COL4A4: variants seen among roughly 807,000 people sequenced by gnomAD.
COL4A4 encodes the protein collagen type IV alpha 4 chain.
COL4A4 carries 105 observed loss-of-function variants against 192.9 expected under a neutral mutation model. The ratio of observed to expected loss-of-function variants is 0.54; its 90% CI spans 0.46 to 0.64. The LOEUF (loss-of-function observed/expected upper bound fraction) is 0.64, where lower values mean the gene tolerates loss of function less well. Ranked by LOEUF, COL4A4 falls within the 30% of genes least tolerant of loss-of-function variation. The pLI, the probability that COL4A4 is intolerant of heterozygous loss-of-function variation, is 0.00. For missense variants in COL4A4, 1,967 were observed against 2,169.3 expected (o/e 0.91, Z 1.85); for synonymous variants, 762 against 769.9 (o/e 0.99, Z 0.17).
intron 46 of COL4A4, among the ~76,000 whole-genome samples, chr2:227,008,766 C>T (rs1195227827): frequency 6.6e-6 from 1 of 152,100 alleles, no homozygotes; most frequent in Non-Finnish European, 1.5e-5. Context: ...AGAGATATAC[C>T]GTCAGAGGGG....
At chr2:226,968,733 G>T in the COL4A4 span, among the ~76,000 whole-genome samples, 1 of 152,204 alleles carries the variant, frequency 6.6e-6, no homozygotes, top group Non-Finnish European at 1.5e-5. Flanking sequence ...TCTAGAGGGG[G>T]TGACTATTAA....
In COL4A4 at chr2:227,045,935, G is replaced by GTATATATTTA. The variant is rs1296061485; in HGVS notation, c.3289+1539_3289+1540insTAAATATATA. ...TGTATGTATATGTATATGTATATAT[G>GTATATATTTA]TATATATGTATATATGTATATATGT... is the stretch of plus-strand genomic sequence containing the variant. On this transcript the variant is annotated intron_variant, in intron 35 of 47. Coordinates refer to ENST00000396625, the MANE Select transcript of COL4A4 (RefSeq NM_000092.5). Among the ~76,000 whole-genome samples the GTATATATTTA allele has an allele frequency of 1.8e-4, 15 of 84,246 alleles. 6 individuals are homozygous for GTATATATTTA. Among genetic ancestry groups the GTATATATTTA allele is most frequent in the African/African-American group, 8.4e-4 (14 of 16,754 alleles). 55.3% of individuals were successfully genotyped at this position (84,246 alleles called of 152,430 possible).
At chr2:227,072,346 T>C (rs372610493) in intron 25 of COL4A4, among the ~76,000 whole-genome samples, 8 of 151,900 alleles carry the variant, frequency 5.3e-5, no homozygotes, top group Non-Finnish European at 1.0e-4. Context: ...TACTAGATTA[T>C]ATCAGGAAGA....
intron 7 of COL4A4, among the ~76,000 whole-genome samples, chr2:227,115,250 T>C (rs867700864): frequency 3.3e-5 from 5 of 151,552 alleles, no homozygotes; most frequent in African/African-American, 1.2e-4. Context: ...ACTTAATATC[T>C]TAATATCCTA....
In COL4A4 at chr2:227,059,411, C is replaced by G; in HGVS notation, c.2377G>C (p.Ala793Pro). 6.2e-7 allele frequency: 1 copy of G among 1,613,972 alleles called. No individual in the cohort carries two copies. The highest frequency in any genetic ancestry group is 8.5e-7 in the Non-Finnish European group (1 of 1,179,864). The change falls in exon 28 of 48, where the codon GCT becomes CCT. Residue 793 changes from alanine (A) to proline (P), a missense_variant. Physicochemically the swap from Ala to Pro is conservative, Grantham distance 27. Transcript: ENST00000396625. ...GACAGCAAAGCCCTCATACCTTCAGCCCCTGGACATCCCGGATCACCTCTG... is the reference window on the plus strand; with the variant it reads ...GACAGCAAAGCCCTCATACCTTCAGGCCCTGGACATCCCGGATCACCTCTG... ...GPRGDPGCPG[A>P]EGPAGIPGFL...
intron 18 of COL4A4, 41 bp downstream of exon 18, chr2:227,099,579 T>C: frequency 6.3e-7 from 1 of 1,593,412 alleles, no homozygotes; most frequent in Non-Finnish European, 8.6e-7. Context: ...TCAACTCCTA[T>C]TTCTGCATAA....
At chr2:226,980,633 C>T in the COL4A4 span, among the ~76,000 whole-genome samples, 1 of 152,148 alleles carries the variant, frequency 6.6e-6, no homozygotes, top group East Asian at 1.9e-4. Context: ...TGTAGGGTTC[C>T]TTATGGTCTT....
chr2:227,094,257 G>A lies in COL4A4; in HGVS notation c.1237C>T (p.Pro413Ser). 6.2e-7 allele frequency: 1 copy of A among 1,613,836 alleles called. No individual in the cohort carries two copies. Among genetic ancestry groups the A allele is most frequent in the Non-Finnish European group, 8.5e-7 (1 of 1,179,940 alleles). ...MIGPPGPQGFPGLPGLPGEAG... is the reference protein window; with the variant it reads ...MIGPPGPQGFSGLPGLPGEAG... ...TCTCCTGGAAGCCCAGGAAGACCAG[G>A]AAATCCTTGTGGCCCAGGGGGTCCT... is the stretch of plus-strand genomic sequence containing the variant. The change falls in exon 20 of 48, where the codon CCT becomes TCT. Residue 413 changes from proline (P) to serine (S), a missense_variant. Coordinates refer to ENST00000396625, the MANE Select transcript of COL4A4 (RefSeq NM_000092.5).
chr2:227,130,479 G>A (rs1393810894), intron 4 of COL4A4, among the ~76,000 whole-genome samples: 6 of 152,184 alleles, frequency 3.9e-5, no homozygotes, highest in Non-Finnish European at 5.9e-5. Flanking sequence ...CTTCTTGCCT[G>A]CCCTGTTCTC....
At chr2:227,047,881 G>A (rs2150153015) in intron 34 of COL4A4, among the ~76,000 whole-genome samples, 1 of 152,160 alleles carries the variant, frequency 6.6e-6, no homozygotes, top group East Asian at 1.9e-4. Context: ...GCATTGAGTG[G>A]CTATATCCTT....
At chr2:227,109,012 G>T in intron 10 of COL4A4, 144 bp from the exon 11 acceptor site, 1 of 949,422 alleles carries the variant, frequency 1.1e-6, no homozygotes. Flanking sequence ...TCATGGATGG[G>T]CTGTTTTCTG....
rs963393065 is a variant in COL4A4, at chr2:227,005,401, T to TA, written c.*1923dup. ...AGGAGGGTTGACTTTTGGTAATAGA[T>TA]AAAGCTTTTTGGGAAGGAGAAAGGT... On this transcript the variant is annotated 3_prime_UTR_variant, in exon 48 of 48. Coordinates refer to ENST00000396625, the MANE Select transcript of COL4A4 (RefSeq NM_000092.5). 1.3e-5 allele frequency: 2 copies of TA among 152,190 alleles called. No individual in the cohort carries two copies. The highest frequency in any genetic ancestry group is 4.8e-5 in the African/African-American group (2 of 41,452). 9.4% of individuals were successfully genotyped at this position (152,190 alleles called of 1,614,324 possible). A position where few individuals can be genotyped will look rare whatever the true frequency, so the allele number is the denominator to read the frequency against.
Position 227,008,251 on chromosome 2 carries a change from T to C in COL4A4, c.4576A>G (p.Asn1526Asp). 1.2e-6 allele frequency: 2 copies of C among 1,614,218 alleles called. No individual in the cohort carries two copies. The highest frequency in any genetic ancestry group is 1.6e-4 in the Middle Eastern group (1 of 6,062). ...VFSTLPFAYC[N>D]IHQVCHYAQR... is the part of the protein sequence containing the mutation. Reference sequence around the variant, plus strand: ...GCATAGTGGCACACCTGGTGGATGTTGCAGTAGGCAAAGGGCAGCGTGCTA... The same window carrying C: ...GCATAGTGGCACACCTGGTGGATGTCGCAGTAGGCAAAGGGCAGCGTGCTA... The change falls in exon 47 of 48, where the codon AAC becomes GAC. Residue 1526 changes from asparagine (N) to aspartate (D), a missense_variant. Coordinates refer to ENST00000396625, the MANE Select transcript of COL4A4 (RefSeq NM_000092.5).
chr2:227,052,121 G>A (rs1031040970), intron 32 of COL4A4, among the ~76,000 whole-genome samples, 184 bp downstream of exon 32: 3 of 152,014 alleles, frequency 2.0e-5, no homozygotes, highest in Non-Finnish European at 4.4e-5. Flanking sequence ...AACCCGGGAG[G>A]CAGAGGTTGC....
intron 44 of COL4A4, among the ~76,000 whole-genome samples, chr2:227,013,099 G>A (rs761899568): frequency 9.2e-5 from 14 of 152,192 alleles, no homozygotes; most frequent in Non-Finnish European, 1.5e-4. Flanking sequence ...GGTTCTTTAA[G>A]TATGCAGTTA....
In COL4A4 at chr2:227,094,183, C is replaced by T. The variant is rs2150686372; in HGVS notation, c.1311G>A (p.Lys437=). The T allele has an allele frequency of 6.2e-7, 1 of 1,613,792 alleles. No individual in the cohort carries two copies. The highest frequency in any genetic ancestry group is 2.2e-5 in the East Asian group (1 of 44,884). The change falls in exon 20 of 48, where the codon AAG becomes AAA. Residue 437 remains lysine, a synonymous_variant. Coordinates refer to ENST00000396625, the MANE Select transcript of COL4A4 (RefSeq NM_000092.5). ...RPDSAPGKPG[K]PGSPGLPGAP... ...CTCCAGGCAAGCCAGGTGATCCTGG[C>T]TTCCCTGGTTTTCCTGGAGCAGAAT... is the stretch of plus-strand genomic sequence containing the variant.
intron 9 of COL4A4, 68 bp from the exon 10 acceptor site, chr2:227,109,354 G>A (rs373087516): frequency 1.4e-5 from 18 of 1,264,780 alleles, no homozygotes; most frequent in South Asian, 2.4e-5. Flanking sequence ...AAAGAGTTGC[G>A]TGTGATCCCA....
chr2:227,049,562 A>T (rs575169475), intron 34 of COL4A4, among the ~76,000 whole-genome samples: 90 of 152,370 alleles, frequency 5.9e-4, no homozygotes, highest in Non-Finnish European at 8.2e-4. Context: ...ATAATAATAA[A>T]AAACCCAATT....
downstream of COL4A4, chr2:226,999,254 A>G (rs1292636384): frequency 6.6e-6 from 1 of 152,186 alleles, no homozygotes. Context: ...CATAAACACT[A>G]GTGCCTGGTG....
Sources: allele counts gnomAD v4.1 joint callset (sites outside exome capture counted in the v4.1 genomes callset), GRCh38; gene constraint gnomAD v4.1.1; transcripts MANE v1.5; gene names NCBI Gene and HGNC (gene_info 2026-07-23, HGNC 2026-07-21).